The following PCDHA6 variants were observed in gnomAD, a reference collection of about 807,000 sequenced individuals.
PCDHA6 encodes protocadherin alpha 6, also known as protocadherin alpha-6.
A neutral mutation model predicts 60.3 loss-of-function variants in PCDHA6; 55 were observed. The observed-to-expected ratio is 0.91, with a 90% confidence interval of 0.73 to 1.14. The LOEUF (loss-of-function observed/expected upper bound fraction) is 1.14, where lower values mean the gene tolerates loss of function less well. Ranked by LOEUF, PCDHA6 falls within the 50% of genes most tolerant of loss-of-function variation. PCDHA6 has a pLI of 0.00. For missense variants in PCDHA6, 1,327 were observed against 1,256.5 expected (o/e 1.06, Z -0.85); for synonymous variants, 652 against 557.9 (o/e 1.17, Z -2.38).
chr5:140,962,369 AT>A (rs1181838799), intron 1 of PCDHA6, among the ~76,000 whole-genome samples: 1 of 152,154 alleles, frequency 6.6e-6, no homozygotes, highest in Admixed American at 6.5e-5. Flanking sequence ...GGCTAGTTTG[AT>A]TTTATCTGTT....
chr5:140,980,614 G>T (rs2153822225), intron 2 of PCDHA6, among the ~76,000 whole-genome samples: 1 of 152,088 alleles, frequency 6.6e-6, no homozygotes, highest in Admixed American at 6.5e-5. Context: ...TGGCGACAGT[G>T]CGAGACTCTG....
intron 1 of PCDHA6, among the ~76,000 whole-genome samples, chr5:140,964,896 G>A (rs868917865): frequency 6.6e-6 from 1 of 152,170 alleles, no homozygotes. Context: ...TAGGAGGCTG[G>A]GCGCTTCTCT....
intron 1 of PCDHA6, among the ~76,000 whole-genome samples, chr5:140,932,553 C>T (rs1288415511): frequency 6.6e-6 from 1 of 151,798 alleles, no homozygotes; most frequent in African/African-American, 2.4e-5. Context: ...AACATACATT[C>T]CACAAGTAGA....
chr5:140,934,611 C>T (rs1346764744), intron 1 of PCDHA6, among the ~76,000 whole-genome samples: 2 of 151,950 alleles, frequency 1.3e-5, no homozygotes, highest in Non-Finnish European at 2.9e-5. Context: ...TTTGATTAGC[C>T]TGAGGTACAG....
chr5:140,836,052 G>C, intron 1 of PCDHA6: 2 of 1,613,612 alleles, frequency 1.2e-6, no homozygotes, highest in Non-Finnish European at 1.7e-6. Flanking sequence ...GTTCGTGCTG[G>C]ACGAGAACGA....
At position 140,850,184 on chromosome 5, in the gene PCDHA6, G is replaced by A. The variant is rs2150471787; in HGVS notation, c.2394+19699G>A. 1.2e-5 allele frequency: 19 copies of A among 1,593,814 alleles called. 2 individuals carry two copies. The highest frequency in any genetic ancestry group is 4.5e-5 in the East Asian group (2 of 44,826). ...TGCTGGACGAGAACGACAATGCGCC[G>A]GCGCTGCTGACACCTCGGATGAGGG... On this transcript the variant is annotated intron_variant, in intron 1 of 3. Coordinates refer to ENST00000529310, the MANE Select transcript of PCDHA6 (RefSeq NM_018909.4).
intron 1 of PCDHA6, chr5:140,870,884 G>A (rs376620715): frequency 6.5e-5 from 105 of 1,613,948 alleles, no homozygotes; most frequent in Admixed American, 3.3e-4. Context: ...GCGAAGGTGC[G>A]CGCAGTGGAT....
intron 1 of PCDHA6, chr5:140,841,962 C>T (rs1342346203): frequency 1.2e-6 from 2 of 1,613,786 alleles, no homozygotes; most frequent in Non-Finnish European, 1.7e-6. Context: ...TTCCTGACAG[C>T]CACAGATGGG....
chr5:140,967,907 A>C (rs1311525554), intron 1 of PCDHA6: 1 of 1,614,180 alleles, frequency 6.2e-7, no homozygotes, highest in Non-Finnish European at 8.5e-7. Flanking sequence ...TGCTACACCC[A>C]ACACCATTGT....
intron 1 of PCDHA6, among the ~76,000 whole-genome samples, chr5:140,946,634 A>ATATATATATAT (rs1554217761): frequency 2.7e-5 from 4 of 147,312 alleles, no homozygotes; most frequent in African/African-American, 7.7e-5. Context: ...ATATATATAC[A>ATATATATATAT]ATGGAATACT....
rs1265015709 is a variant in PCDHA6 at position 140,843,042 on chromosome 5, G to A, written c.2394+12557G>A. The A allele has an allele frequency of 6.3e-7, 1 of 1,595,054 alleles. No individual in the cohort carries two copies. The highest frequency in any genetic ancestry group is 8.6e-7 in the Non-Finnish European group (1 of 1,165,358). On this transcript the variant is annotated intron_variant, in intron 1 of 3. Transcript: ENST00000529310. ...CTGGAGCCTCGGGTGGGTGGCACTG[G>A]TGGCGCAGCGAGCAAGCTGGTGCCG... is the stretch of plus-strand genomic sequence containing the variant.
chr5:140,866,646 A>G (rs2049474250), intron 1 of PCDHA6: 1 of 152,112 alleles, frequency 6.6e-6, no homozygotes, highest in Admixed American at 6.5e-5. Context: ...GTCAAAATTT[A>G]TTTATGTGTT....
chr5:141,003,452 C>G (rs1554259072), intron 3 of PCDHA6, among the ~76,000 whole-genome samples: 1 of 152,112 alleles, frequency 6.6e-6, no homozygotes, highest in Non-Finnish European at 1.5e-5. Flanking sequence ...GATGAAATTA[C>G]AGGCGTGCAC....
intron 1 of PCDHA6, chr5:140,853,738 T>A: frequency 2.0e-6 from 2 of 988,624 alleles, no homozygotes. Context: ...CATTGAATGT[T>A]CTGGTTCAAG....
intron 1 of PCDHA6, chr5:140,860,808 G>GCTCA (rs2153220670): frequency 6.6e-6 from 1 of 152,328 alleles, no homozygotes. Context: ...CACGATCTCG[G>GCTCA]CTCACTGCAA....
intron 1 of PCDHA6, among the ~76,000 whole-genome samples, chr5:140,894,629 T>C (rs1406335031): frequency 6.6e-6 from 1 of 152,036 alleles, no homozygotes; most frequent in African/African-American, 2.4e-5. Flanking sequence ...TCTTCTCCAA[T>C]CATATCATTA....
At chr5:140,848,202 C>T in intron 1 of PCDHA6, 1 of 328,080 alleles carries the variant, frequency 3.0e-6, no homozygotes, top group South Asian at 5.4e-5. Flanking sequence ...TTTCAACAAT[C>T]ATTACTTAAG....
rs567366418 is a variant in PCDHA6 at position 140,912,439 on chromosome 5, G to T, written c.2395-66510G>T. 2.6e-5 allele frequency among the ~76,000 whole-genome samples: 4 copies of T among 151,104 alleles called. No individual in the cohort carries two copies. The East Asian group carries it at 7.8e-4, about 29-fold the overall frequency. On this transcript the variant is annotated intron_variant, in intron 1 of 3. Transcript: ENST00000529310. ...TGGTGTATAGCAGTGTTGCTGATTT[G>T]TGTGCATTGATTTTGTATCCTGGAA...
chr5:140,835,824 G>T, intron 1 of PCDHA6: 1 of 1,612,592 alleles, frequency 6.2e-7, no homozygotes, highest in Non-Finnish European at 8.5e-7. Context: ...GTCGGCGGGG[G>T]ACGCGGACGC....
Sources: gnomAD v4.1 joint callset for allele counts (sites outside exome capture counted in the v4.1 genomes callset) on GRCh38, gnomAD v4.1.1 for gene constraint, MANE v1.5 for transcripts, NCBI Gene and HGNC (gene_info 2026-07-23, HGNC 2026-07-21) for gene names.